Variants in PTPRN2 observed in about 807,000 individuals in gnomAD.
The protein encoded by PTPRN2 is protein tyrosine phosphatase receptor type N2.
A neutral mutation model predicts 118.8 loss-of-function variants in PTPRN2; 74 were observed. That is an observed-to-expected ratio of 0.62 (90% CI 0.52 to 0.76). PTPRN2 has a LOEUF of 0.76. Among genes scored for constraint, PTPRN2 ranks in the 30% least tolerant of loss-of-function variants. The probability of loss-of-function intolerance (pLI) is 0.00; values close to 1 mark genes in which losing one functional copy is unlikely to be tolerated. For missense variants in PTPRN2, 1,481 were observed against 1,394.4 expected (o/e 1.06, Z -0.99); for synonymous variants, 641 against 608.0 (o/e 1.05, Z -0.80).
intron 3 of PTPRN2, among the ~76,000 whole-genome samples, chr7:158,231,022 T>C (rs1227046697): frequency 1.3e-5 from 2 of 152,218 alleles, no homozygotes; most frequent in Admixed American, 1.3e-4. Context: ...ATCTCAGCAC[T>C]TTGACAGGCC....
At chr7:157,899,584 AT>A (rs1321571893) in intron 11 of PTPRN2, among the ~76,000 whole-genome samples, 1 of 152,204 alleles carries the variant, frequency 6.6e-6, no homozygotes, top group East Asian at 1.9e-4. Context: ...ATTGTGATTA[AT>A]ACAGGATGAG....
At chr7:157,767,797 G>A (rs1304618921) in intron 12 of PTPRN2, among the ~76,000 whole-genome samples, 1 of 152,250 alleles carries the variant, frequency 6.6e-6, no homozygotes, top group African/African-American at 2.4e-5. Context: ...CAGACCTGGA[G>A]CAGAGCCAGG....
chr7:158,221,893 GC>G (rs1384662061), intron 3 of PTPRN2, among the ~76,000 whole-genome samples: 2 of 152,008 alleles, frequency 1.3e-5, no homozygotes, highest in East Asian at 3.9e-4. Context: ...GAAAAAAGCA[GC>G]CCCATTAAAA....
chr7:158,093,782 T>C lies in PTPRN2; in HGVS notation c.1644-12405A>G, dbSNP rs1185866057. Among the ~76,000 whole-genome samples, 1 of 152,142 alleles carries C rather than the reference T, an allele frequency of 6.6e-6. No homozygotes were observed. Among genetic ancestry groups the C allele is most frequent in the Non-Finnish European group, 1.5e-5 (1 of 68,034 alleles). Reference sequence around the variant, plus strand: ...TGCCTCTCGTACATGAGGCAATAACTTCCCAAAATATCTAGCCTAAGAGCT... The same window carrying C: ...TGCCTCTCGTACATGAGGCAATAACCTCCCAAAATATCTAGCCTAAGAGCT... On this transcript the variant is annotated intron_variant, in intron 10 of 22. Transcript: ENST00000389418. This position sits in a 1 kb window ranked among gnomAD's most constrained non-coding sequence, Gnocchi z 4.4.
chr7:158,333,480 G>C (rs994040533), intron 2 of PTPRN2, among the ~76,000 whole-genome samples: 118 of 139,406 alleles, frequency 8.5e-4, no homozygotes, highest in African/African-American at 1.4e-3. Context: ...TCCATAAGAG[G>C]TGACACCTGG....
chr7:158,194,202 G>A (rs1299557763), intron 4 of PTPRN2, among the ~76,000 whole-genome samples: 1 of 152,226 alleles, frequency 6.6e-6, no homozygotes, highest in Admixed American at 6.5e-5. Context: ...CTGTGTATGT[G>A]TGCGCCTGCA....
chr7:157,949,558 GGC>G (rs1483391054), intron 11 of PTPRN2, among the ~76,000 whole-genome samples: 4 of 152,242 alleles, frequency 2.6e-5, no homozygotes, highest in Non-Finnish European at 5.9e-5. Context: ...CTCAGACACT[GGC>G]GGCTGAGTCA....
intron 11 of PTPRN2, among the ~76,000 whole-genome samples, chr7:158,001,638 C>G (rs561501968): frequency 6.6e-6 from 1 of 152,070 alleles, no homozygotes; most frequent in Non-Finnish European, 1.5e-5. Context: ...GATGGTAAAA[C>G]GGCCGAAAAC....
intron 5 of PTPRN2, among the ~76,000 whole-genome samples, chr7:158,191,343 TAGAA>T (rs1400687602): frequency 6.6e-6 from 1 of 152,142 alleles, no homozygotes; most frequent in Non-Finnish European, 1.5e-5. Context: ...GCTTCCATCT[TAGAA>T]AGGAAAGTGT....
Position 157,784,977 on chromosome 7 carries a change from G to A in PTPRN2, c.1789-102040C>T, listed in dbSNP as rs766356787. On this transcript the variant is annotated intron_variant, in intron 12 of 22. Coordinates refer to ENST00000389418, the MANE Select transcript of PTPRN2 (RefSeq NM_002847.5). This position sits in a 1 kb window ranked among gnomAD's most constrained non-coding sequence, Gnocchi z 4.6. ...GCTGGAGAGGAGAGCAGAGGGAGCC[G>A]AGGCCCTCTGTCCAGGCGGCTGAGG... Among the ~76,000 whole-genome samples, 43 of 152,268 alleles carry A rather than the reference G, an allele frequency of 2.8e-4. No individual in the cohort carries two copies. Among genetic ancestry groups the A allele is most frequent in the Non-Finnish European group, 5.9e-4 (40 of 68,014 alleles).
At chr7:158,332,030 C>T (rs1338494768) in intron 2 of PTPRN2, among the ~76,000 whole-genome samples, 14 of 151,068 alleles carry the variant, frequency 9.3e-5, no homozygotes. Flanking sequence ...ACGTCACTGA[C>T]ACCCACACTC....
In PTPRN2 at chr7:158,081,329, G is replaced by C; in HGVS notation, c.1692C>G (p.Asn564Lys). The C allele has an allele frequency of 6.2e-7, 1 of 1,614,146 alleles. No individual in the cohort carries two copies. Reference protein sequence around the residue: ...VTFKVSANVQNVTTEDVEKAT... With the variant: ...VTFKVSANVQKVTTEDVEKAT... ...CCTTCTCCACATCCTCAGTGGTCAC[G>C]TTTTGGACATTGGCGCTCACTTTGA... The change falls in exon 11 of 23, where the codon AAC becomes AAG. Residue 564 changes from asparagine to lysine, a missense_variant. Physicochemically the swap from Asn to Lys is moderately conservative, Grantham distance 94. Coordinates refer to ENST00000389418, the MANE Select transcript of PTPRN2 (RefSeq NM_002847.5).
At position 158,138,322 on chromosome 7, in the gene PTPRN2, C is replaced by T. The variant is rs747684587; in HGVS notation, c.1104G>A (p.Lys368=). The T allele has an allele frequency of 1.2e-6, 2 of 1,613,452 alleles. No homozygotes were observed. The highest frequency in any genetic ancestry group is 1.7e-6 in the Non-Finnish European group (2 of 1,180,018). Residue 368 remains lysine (K), a synonymous_variant, in exon 7 of 23, where the codon AAG becomes AAA. Transcript: ENST00000389418. ...GAAAGCTGTCTCCACGGAGGGTGGC[C>T]TTGGGGCCATCCGCCTGTTCTCCAG... The part of the protein sequence containing the change: ...GESGEQADGP[K]ATLRGDSFPD...
intron 6 of PTPRN2, among the ~76,000 whole-genome samples, chr7:158,149,815 A>AG (rs1820764499): frequency 6.6e-6 from 1 of 152,112 alleles, no homozygotes; most frequent in Admixed American, 6.6e-5. Context: ...AAAAAAAAAA[A>AG]AAGATAAACC....
chr7:158,327,263 G>GCA (rs1169804630), intron 2 of PTPRN2, among the ~76,000 whole-genome samples: 1 of 148,750 alleles, frequency 6.7e-6, no homozygotes, highest in Non-Finnish European at 1.5e-5. Context: ...ATTCTCACAT[G>GCA]CACACACGTG....
intron 1 of PTPRN2, among the ~76,000 whole-genome samples, chr7:158,556,073 G>T (rs1032898421): frequency 6.6e-6 from 1 of 152,222 alleles, no homozygotes; most frequent in African/African-American, 2.4e-5. Context: ...AGATATAGAT[G>T]ATTGATAAAT....
chr7:158,225,865 G>A (rs1236935768), intron 3 of PTPRN2, among the ~76,000 whole-genome samples: 1 of 151,514 alleles, frequency 6.6e-6, no homozygotes. Flanking sequence ...GTGCACTCAG[G>A]GGATGGTGTA....
chr7:158,326,916 C>A (rs911313811), intron 2 of PTPRN2, among the ~76,000 whole-genome samples: 9 of 151,656 alleles, frequency 5.9e-5, no homozygotes, highest in African/African-American at 2.2e-4. Context: ...TGCACATGCT[C>A]ACACGTTCTC....
chr7:158,368,311 C>T (rs1809687273), intron 2 of PTPRN2, among the ~76,000 whole-genome samples: 1 of 152,154 alleles, frequency 6.6e-6, no homozygotes, highest in African/African-American at 2.4e-5. Flanking sequence ...CTGGGAGGCC[C>T]CCGCTTGTGT....
Sources: gnomAD v4.1 joint callset for allele counts (sites outside exome capture counted in the v4.1 genomes callset) on GRCh38, gnomAD v4.1.1 for gene constraint, Gnocchi (gnomAD v3.1) non-coding constraint, MANE v1.5 for transcripts, NCBI Gene and HGNC (gene_info 2026-07-23, HGNC 2026-07-21) for gene names.